The following GARIN1B variants were observed in gnomAD, a reference collection of about 807,000 sequenced individuals.
GARIN1B encodes the protein golgi associated RAB2 interactor 1B.
chr7:128,722,755 G>A, the GARIN1B span, among the ~76,000 whole-genome samples: 1 of 151,856 alleles, frequency 6.6e-6, no homozygotes, highest in Non-Finnish European at 1.5e-5. Context: ...AGTGAGCCGA[G>A]ATCGCACCAC....
chr7:128,718,891 G>A, the GARIN1B span: 1 of 1,614,238 alleles, frequency 6.2e-7, no homozygotes. Flanking sequence ...GCATCCTGCA[G>A]TTGAGGACAG....
chr7:128,726,836 G>A, the GARIN1B span: 3 of 1,614,050 alleles, frequency 1.9e-6, no homozygotes, highest in South Asian at 1.1e-5. Context: ...AGTTTCAGGA[G>A]CAGCAGAAAG....
the GARIN1B span, among the ~76,000 whole-genome samples, chr7:128,722,010 A>T: frequency 1.3e-5 from 2 of 152,202 alleles, no homozygotes; most frequent in Non-Finnish European, 2.9e-5. Context: ...CAGTTTGCTT[A>T]CATTACATTA....
At chr7:128,711,922 TC>T in the GARIN1B span, among the ~76,000 whole-genome samples, 2 of 152,158 alleles carry the variant, frequency 1.3e-5, no homozygotes, top group Admixed American at 1.3e-4. Context: ...GTGCCTGCGA[TC>T]CCAGCTACTC....
At chr7:128,718,804 AGT>A in the GARIN1B span, 9 of 1,607,304 alleles carry the variant, frequency 5.6e-6, no homozygotes, top group South Asian at 3.3e-5. Context: ...TAGGGTTGTC[AGT>A]GTGTGTCTTC....
the GARIN1B span, chr7:128,718,927 G>C: frequency 5.0e-6 from 8 of 1,614,162 alleles, no homozygotes; most frequent in South Asian, 7.7e-5. Context: ...ATTACCTAAA[G>C]CTCCATCCTG....
chr7:128,719,038 C>T, the GARIN1B span: 2 of 1,614,118 alleles, frequency 1.2e-6, no homozygotes, highest in African/African-American at 2.7e-5. Flanking sequence ...TTGTCACGCA[C>T]TGCCTGGTAC....
At chr7:128,726,280 G>A in the GARIN1B span, among the ~76,000 whole-genome samples, 1 of 152,226 alleles carries the variant, frequency 6.6e-6, no homozygotes, top group Non-Finnish European at 1.5e-5. Flanking sequence ...AACGAGCTAG[G>A]GAGCTATGGC....
the GARIN1B span, chr7:128,715,387 G>T: frequency 1.1e-4 from 176 of 1,589,136 alleles, no homozygotes; most frequent in East Asian, 3.9e-3. Context: ...AAGGCCAGGA[G>T]GGGAGACAGA....
the GARIN1B span, among the ~76,000 whole-genome samples, chr7:128,709,662 A>ATGTTGT: frequency 6.6e-6 from 1 of 150,532 alleles, no homozygotes; most frequent in African/African-American, 2.4e-5. Flanking sequence ...TTGTAGTATA[A>ATGTTGT]TGTTGTTGTT....
chr7:128,729,435 A>C, the GARIN1B span, among the ~76,000 whole-genome samples: 2 of 152,196 alleles, frequency 1.3e-5, no homozygotes, highest in Non-Finnish European at 2.9e-5. Context: ...CGATTCTAAC[A>C]TGCTCCCAGG....
chr7:128,716,970 C>A, the GARIN1B span: 2 of 1,612,442 alleles, frequency 1.2e-6, no homozygotes, highest in East Asian at 4.5e-5. Flanking sequence ...AACAGACCAT[C>A]CATAGCCCCC....
chr7:128,716,945 C>T, the GARIN1B span: 2 of 1,613,784 alleles, frequency 1.2e-6, no homozygotes, highest in Non-Finnish European at 1.7e-6. Context: ...GCACCAGGGG[C>T]AGAACCAGAC....
At chr7:128,718,799 T>C in the GARIN1B span, 7 of 1,605,858 alleles carry the variant, frequency 4.4e-6, no homozygotes, top group Non-Finnish European at 1.7e-6. Flanking sequence ...TGCAATAGGG[T>C]TGTCAGTGTG....
At chr7:128,721,985 A>G in the GARIN1B span, among the ~76,000 whole-genome samples, 7 of 151,966 alleles carry the variant, frequency 4.6e-5, no homozygotes, top group African/African-American at 1.7e-4. Context: ...CTTATTTTTT[A>G]TATGTTACTA....
chr7:128,714,604 G>A, the GARIN1B span, among the ~76,000 whole-genome samples: 101 of 152,070 alleles, frequency 6.6e-4, no homozygotes, highest in African/African-American at 2.4e-3. Context: ...TTTAGAATTT[G>A]GTCCAAATTA....
At chr7:128,724,759 G>T in the GARIN1B span, 1 of 1,289,618 alleles carries the variant, frequency 7.8e-7, no homozygotes, top group South Asian at 1.2e-5. Context: ...GGAGAATTTT[G>T]TCACAACAGG....
the GARIN1B span, chr7:128,726,812 C>G: frequency 8.7e-6 from 14 of 1,613,810 alleles, no homozygotes; most frequent in Non-Finnish European, 1.2e-5. Context: ...TTTCCTTGAT[C>G]CTGAAATGGC....
chr7:128,721,002 AC>A, the GARIN1B span, among the ~76,000 whole-genome samples: 3 of 151,368 alleles, frequency 2.0e-5, no homozygotes, highest in African/African-American at 4.9e-5. Context: ...CAAAAAAAAA[AC>A]CTGTTAGAAT....
Sources: allele counts gnomAD v4.1 joint callset (sites outside exome capture counted in the v4.1 genomes callset), GRCh38; gene constraint gnomAD v4.1.1; transcripts MANE v1.5; gene names NCBI Gene and HGNC (gene_info 2026-07-23, HGNC 2026-07-21).